ABHD2: variants seen among roughly 807,000 people sequenced by gnomAD.
The protein encoded by ABHD2 is abhydrolase domain containing 2, acylglycerol lipase, also known as monoacylglycerol lipase ABHD2.
Under a neutral mutation model 48.1 loss-of-function variants are expected in ABHD2, and 20 were observed. The observed-to-expected ratio is 0.42, with a 90% CI of 0.29 to 0.60. The LOEUF is 0.60. Ranked by LOEUF, ABHD2 falls within the 20% of genes least tolerant of loss-of-function variation. ABHD2 has a pLI of 0.24. For synonymous variants in ABHD2, 209 were observed against 214.2 expected (o/e 0.98, Z 0.21); for missense variants, 405 against 550.9 (o/e 0.74, Z 2.65).
intron 2 of ABHD2, 50 bp downstream of exon 2, chr15:89,113,874 G>A (rs2049914458): frequency 6.6e-6 from 1 of 152,108 alleles, no homozygotes; most frequent in African/African-American, 2.4e-5. Context: ...CTTATGTTAG[G>A]AAGCAGTGAA....
chr15:89,127,694 TATATATATATACATATATATATATACAC>T (rs1245066803), intron 3 of ABHD2, among the ~76,000 whole-genome samples: 1 of 110,324 alleles, frequency 9.1e-6, no homozygotes, highest in African/African-American at 4.4e-5. Context: ...TCTCAGTGAA[TATATATATATACATATATATATATACAC>T]ATATATATAT....
Position 89,116,303 on chromosome 15 carries a change from C to G in ABHD2, c.-6-19C>G, listed in dbSNP as rs2049959340. ...CCTCACTGTGCTTGTAAACTTAGAC[C>G]TGTGCCTCTGCTCCCCAGATCAAGA... On this transcript the variant is annotated intron_variant, in intron 2 of 10. Transcript: ENST00000352732. This position sits in a 1 kb window ranked among gnomAD's most constrained non-coding sequence, Gnocchi z 4.6. 1.9e-6 allele frequency: 3 copies of G among 1,605,038 alleles called. No homozygotes were observed. The highest frequency in any genetic ancestry group is 3.4e-5 in the Admixed American group (2 of 59,536).
chr15:89,154,371 C>A (rs2050638137), intron 4 of ABHD2, among the ~76,000 whole-genome samples: 1 of 152,172 alleles, frequency 6.6e-6, no homozygotes, highest in African/African-American at 2.4e-5. Flanking sequence ...AAATTATGAT[C>A]AAATTTAATG....
chr15:89,062,295 G>A, the ABHD2 span, among the ~76,000 whole-genome samples: 3 of 151,952 alleles, frequency 2.0e-5, no homozygotes, highest in Admixed American at 2.0e-4. Context: ...TCGGGCATTC[G>A]GGCAGAATGT....
chr15:89,136,042 T>C (rs1025126940), intron 3 of ABHD2: 23 of 214,292 alleles, frequency 1.1e-4, no homozygotes, highest in Admixed American at 2.7e-4. Context: ...TTCTTTTGCC[T>C]CAGCCTCCCG....
At position 89,201,770 on chromosome 15, in the gene ABHD2, G is replaced by A. The variant is rs951567559; in HGVS notation, c.*6347G>A. On this transcript the variant is annotated 3_prime_UTR_variant, in exon 11 of 11. Coordinates refer to ENST00000352732, the MANE Select transcript of ABHD2 (RefSeq NM_152924.5). ...GCGGGTCGAGGACCAGGATCTGCTC[G>A]TGCTTCGCCGTGGCCCCGGAGGCAG... The A allele has an allele frequency of 6.0e-5, 91 of 1,507,244 alleles. 2 individuals carry two copies. Among genetic ancestry groups the A allele is most frequent in the South Asian group, 4.4e-4 (39 of 88,866 alleles). 93.4% of individuals were successfully genotyped at this position (1,507,244 alleles called of 1,614,324 possible). A position where few individuals can be genotyped will look rare whatever the true frequency, so the allele number is the denominator to read the frequency against.
chr15:89,119,055 T>C (rs2050007016), intron 3 of ABHD2, among the ~76,000 whole-genome samples: 1 of 152,154 alleles, frequency 6.6e-6, no homozygotes, highest in Non-Finnish European at 1.5e-5. Flanking sequence ...GGTCATTGGC[T>C]GATTGCCACC....
At chr15:89,157,737 G>A (rs2050697153) in intron 5 of ABHD2, among the ~76,000 whole-genome samples, 2 of 152,142 alleles carry the variant, frequency 1.3e-5, no homozygotes, top group East Asian at 3.9e-4. Context: ...CAGCTACTCG[G>A]GAGGCTGAGG....
At chr15:89,158,592 C>T (rs2050711828) in intron 5 of ABHD2, among the ~76,000 whole-genome samples, 1 of 152,146 alleles carries the variant, frequency 6.6e-6, no homozygotes, top group Non-Finnish European at 1.5e-5. Context: ...AAACTCAGTT[C>T]CAGATTCTTC....
chr15:89,041,085 A>G, the ABHD2 span: 2 of 152,234 alleles, frequency 1.3e-5, no homozygotes, highest in Non-Finnish European at 2.9e-5. Context: ...TCCCACTTGG[A>G]ACCCAACTAT....
chr15:89,041,022 C>G, the ABHD2 span, among the ~76,000 whole-genome samples: 1 of 152,238 alleles, frequency 6.6e-6, no homozygotes, highest in South Asian at 2.1e-4. Context: ...AAGATGCCAG[C>G]AGAGGCTTGA....
At position 89,127,706 on chromosome 15, in the gene ABHD2, C is replaced by CATATATATATATATATAT. The variant is rs71464446; in HGVS notation, c.194+11198_194+11199insTATATATATATATATATA. On this transcript the variant is annotated intron_variant, in intron 3 of 10. Transcript: ENST00000352732. ...TCTTCTCAGTGAATATATATATATACATATATATATATACACATATATATA... is the reference window on the plus strand; with the variant it reads ...TCTTCTCAGTGAATATATATATATACATATATATATATATATATATATATATATATACACATATATATA... Among the ~76,000 whole-genome samples the CATATATATATATATATAT allele has an allele frequency of 4.2e-4, 54 of 129,870 alleles. 3 individuals are homozygous for CATATATATATATATATAT. Among genetic ancestry groups the CATATATATATATATATAT allele is most frequent in the Middle Eastern group, 3.8e-3 (1 of 260 alleles). The allele number at this position is 129,870 out of a possible 152,430, so 85.2% of individuals were successfully genotyped here.
the ABHD2 span, among the ~76,000 whole-genome samples, chr15:89,053,731 C>T: frequency 6.6e-6 from 1 of 152,284 alleles, no homozygotes; most frequent in South Asian, 2.1e-4. Flanking sequence ...AATCAGAAGC[C>T]AAGGCAAAAA....
intron 3 of ABHD2, among the ~76,000 whole-genome samples, chr15:89,126,735 A>C (rs936698906): frequency 3.3e-5 from 5 of 152,194 alleles, no homozygotes; most frequent in African/African-American, 1.2e-4. Context: ...TGATGTGGAG[A>C]GTGAAGAGCT....
upstream of ABHD2, chr15:89,087,895 C>G (rs886328102): frequency 6.6e-6 from 1 of 152,220 alleles, no homozygotes; most frequent in African/African-American, 2.4e-5. This position sits in a 1 kb window ranked among gnomAD's most constrained non-coding sequence, Gnocchi z 5.5. Context: ...TTCGGTGACT[C>G]ACGACCCTTC....
intron 3 of ABHD2, among the ~76,000 whole-genome samples, chr15:89,145,335 G>C (rs1292057937): frequency 6.6e-6 from 1 of 152,220 alleles, no homozygotes; most frequent in Non-Finnish European, 1.5e-5. Flanking sequence ...TGGATGCATG[G>C]AGAGAAGAAA....
chr15:89,116,634 C>A lies in ABHD2; in HGVS notation c.194+113C>A. Reference sequence around the variant, plus strand: ...TCCTTAAGGCATCAATGGGATATGACGTCACTGGTGTTAAAATAGCCACAG... The same window carrying A: ...TCCTTAAGGCATCAATGGGATATGAAGTCACTGGTGTTAAAATAGCCACAG... On this transcript the variant is annotated intron_variant, in intron 3 of 10. Transcript: ENST00000352732. The surrounding 1 kb of genome is among the most constrained non-coding windows in gnomAD (Gnocchi z 4.6). 8.7e-7 allele frequency: 1 copy of A among 1,146,512 alleles called. No individual in the cohort carries two copies. The highest frequency in any genetic ancestry group is 1.6e-5 in the African/African-American group (1 of 64,482). The allele number at this position is 1,146,512 out of a possible 1,614,324, so 71.0% of individuals were successfully genotyped here. A position where few individuals can be genotyped will look rare whatever the true frequency, so the allele number is the denominator to read the frequency against.
chr15:89,078,154 C>T, the ABHD2 span, among the ~76,000 whole-genome samples: 1 of 152,194 alleles, frequency 6.6e-6, no homozygotes, highest in African/African-American at 2.4e-5. Flanking sequence ...GCTCACATCA[C>T]TGTTATTCTT....
At chr15:89,061,791 C>T in the ABHD2 span, among the ~76,000 whole-genome samples, 1 of 152,084 alleles carries the variant, frequency 6.6e-6, no homozygotes, top group Non-Finnish European at 1.5e-5. Context: ...CCAGGCTGGT[C>T]TTGAACTCCT....
Sources: allele counts gnomAD v4.1 joint callset (sites outside exome capture counted in the v4.1 genomes callset), GRCh38; gene constraint gnomAD v4.1.1; non-coding constraint Gnocchi (gnomAD v3.1); transcripts MANE v1.5; gene names NCBI Gene and HGNC (gene_info 2026-07-23, HGNC 2026-07-21).